AFAP1L2: variants seen among roughly 807,000 people sequenced by gnomAD.
AFAP1L2 encodes actin filament-associated protein 1-like 2.
Under a neutral mutation model 99.3 loss-of-function variants are expected in AFAP1L2, and 46 were observed. The ratio of observed to expected loss-of-function variants is 0.46; its 90% CI spans 0.37 to 0.59. The LOEUF is 0.59. Ranked by LOEUF, AFAP1L2 falls within the 20% of genes least tolerant of loss-of-function variation. The pLI, the probability that AFAP1L2 is intolerant of heterozygous loss-of-function variation, is 0.00. For synonymous variants in AFAP1L2, 397 were observed against 419.1 expected, an observed-to-expected ratio of 0.95 and a Z score of 0.64; for missense variants, 959 against 1,034.9, an observed-to-expected ratio of 0.93 and a Z score of 1.01.
the AFAP1L2 span, chr10:114,289,738 C>T: frequency 1.8e-6 from 1 of 555,836 alleles, no homozygotes. Flanking sequence ...AGAATTTATG[C>T]ATTCCCTTTA....
Position 114,300,267 on chromosome 10 carries a change from G to C in AFAP1L2, c.1884C>G (p.Cys628Trp). ...GTGGGGTGGCCACCACGGCATCCGG[G>C]CAGCTCGGTGGGAAGGAGATTCTCT... is the stretch of plus-strand genomic sequence containing the variant. ...EQQRISFPPSCPDAVVATPPG... is the reference protein window; with the variant it reads ...EQQRISFPPSWPDAVVATPPG... The change falls in exon 15 of 19, where the codon TGC becomes TGG. Residue 628 changes from cysteine to tryptophan, a missense_variant. Cys to Trp is a radical substitution (Grantham distance 215). Around this residue, in one of 2 missense-constraint regions of AFAP1L2, gnomAD observed 576 missense variants for 562.1 expected, o/e 1.02. Transcript: ENST00000304129. 2.5e-6 allele frequency: 4 copies of C among 1,614,152 alleles called. No individual in the cohort carries two copies. Among genetic ancestry groups the C allele is most frequent in the Non-Finnish European group, 3.4e-6 (4 of 1,180,032 alleles).
chr10:114,389,905 T>G (rs1197968010), intron 1 of AFAP1L2, among the ~76,000 whole-genome samples: 2 of 152,230 alleles, frequency 1.3e-5, no homozygotes, highest in Non-Finnish European at 2.9e-5. Context: ...GCACATGGCT[T>G]GAGCTTCTGG....
Position 114,313,873 on chromosome 10 carries a change from T to G in AFAP1L2, c.790A>C (p.Arg264=). 1 of 1,604,764 alleles carries G rather than the reference T, an allele frequency of 6.2e-7. No individual in the cohort carries two copies. Among genetic ancestry groups the G allele is most frequent in the South Asian group, 1.1e-5 (1 of 90,656 alleles). The change falls in exon 7 of 19, where the codon AGG becomes CGG. Residue 264 remains arginine (R), a splice_region_variant and synonymous_variant. Coordinates refer to ENST00000304129, the MANE Select transcript of AFAP1L2 (RefSeq NM_001001936.3). ...QSKDQAEQWL[R]VIQEVSGLPS... ...AAGTGGCTCGGTGTCGCCCTCACCCTGAGCCACTGCTCAGCCTGGTCCTTG... is the reference window on the plus strand; with the variant it reads ...AAGTGGCTCGGTGTCGCCCTCACCCGGAGCCACTGCTCAGCCTGGTCCTTG...
At chr10:114,364,887 C>T (rs751086371) in intron 1 of AFAP1L2, among the ~76,000 whole-genome samples, 18 of 152,146 alleles carry the variant, frequency 1.2e-4, no homozygotes, top group African/African-American at 2.9e-4. Flanking sequence ...TGCTCCTTCT[C>T]GGGTCATGAA....
chr10:114,291,542 T>C (rs2039598964), downstream of AFAP1L2: 1 of 361,782 alleles, frequency 2.8e-6, no homozygotes, highest in Non-Finnish European at 5.0e-6. Context: ...GGCTATGTCA[T>C]CTGCCACCTT....
Position 114,404,443 on chromosome 10 carries a change from T to C in AFAP1L2, c.13A>G (p.Lys5Glu). MERYKALEQLLTELD... is the reference protein window; with the variant it reads MERYEALEQLLTELD... ...CGCGAGGAACCCGCGCCCTCACCTT[T>C]GTACCGCTCCATCGGGGCCACGGAG... The change falls in exon 1 of 19, where the codon AAA becomes GAA. Residue 5 changes from lysine (K) to glutamate (E), a missense_variant. Around this residue, in one of 2 missense-constraint regions of AFAP1L2, gnomAD observed 383 missense variants for 472.8 expected, o/e 0.81. Coordinates refer to ENST00000304129, the MANE Select transcript of AFAP1L2 (RefSeq NM_001001936.3). 6.5e-7 allele frequency: 1 copy of C among 1,542,446 alleles called. No individual in the cohort carries two copies. Among genetic ancestry groups the C allele is most frequent in the Non-Finnish European group, 8.7e-7 (1 of 1,145,980 alleles).
intron 4 of AFAP1L2, among the ~76,000 whole-genome samples, chr10:114,330,207 C>T (rs940806003): frequency 5.9e-5 from 9 of 152,216 alleles, no homozygotes; most frequent in Admixed American, 2.0e-4. Context: ...CCCCTTCCCC[C>T]CAGGAAGGCA....
the AFAP1L2 span, chr10:114,289,409 C>T: frequency 1.2e-6 from 2 of 1,609,358 alleles, no homozygotes; most frequent in Non-Finnish European, 1.7e-6. Context: ...CTTGCAGGTC[C>T]CCGGGATTCC....
intron 5 of AFAP1L2, among the ~76,000 whole-genome samples, chr10:114,316,191 T>G (rs978489259): frequency 3.9e-5 from 6 of 152,216 alleles, no homozygotes; most frequent in African/African-American, 1.4e-4. Context: ...CTCCCAGGCC[T>G]GGCCTCTGGC....
At chr10:114,281,716 G>A in the AFAP1L2 span, 2 of 985,122 alleles carry the variant, frequency 2.0e-6, no homozygotes, top group Non-Finnish European at 2.4e-6. Context: ...CGGGGCTGGG[G>A]CACTGCGGGA....
chr10:114,355,239 T>TTC (rs2051153281), intron 1 of AFAP1L2, among the ~76,000 whole-genome samples: 1 of 148,822 alleles, frequency 6.7e-6, no homozygotes, highest in Non-Finnish European at 1.5e-5. Flanking sequence ...ACAGAAGCCT[T>TTC]TCTCTTCTCG....
chr10:114,309,445 C>T (rs1263044838), intron 8 of AFAP1L2, among the ~76,000 whole-genome samples: 3 of 152,188 alleles, frequency 2.0e-5, no homozygotes, highest in South Asian at 2.1e-4. Context: ...TTCCTCCCTG[C>T]TGGGGTGGGG....
chr10:114,283,326 C>T, the AFAP1L2 span, among the ~76,000 whole-genome samples: 30 of 142,364 alleles, frequency 2.1e-4, no homozygotes, highest in South Asian at 5.0e-3. Context: ...GGCAGGGTAG[C>T]GAGCAGTTAG....
intron 1 of AFAP1L2, among the ~76,000 whole-genome samples, chr10:114,381,871 A>G (rs1049606541): frequency 9.7e-5 from 4 of 41,178 alleles, no homozygotes; most frequent in African/African-American, 1.8e-4. Flanking sequence ...AAGAGAGTGT[A>G]CACACACACA....
At chr10:114,288,953 C>T in the AFAP1L2 span, 2 of 1,609,936 alleles carry the variant, frequency 1.2e-6, no homozygotes, top group Admixed American at 3.3e-5. Context: ...CGGACACAAG[C>T]CCTGGACCTC....
In AFAP1L2 at chr10:114,300,353, T is replaced by C. The variant is rs751657115; in HGVS notation, c.1798A>G (p.Ser600Gly). 1.9e-6 allele frequency: 3 copies of C among 1,614,032 alleles called. No individual in the cohort carries two copies. The South Asian group carries it at 3.3e-5, about 18-fold the overall frequency. The change falls in exon 15 of 19, where the codon AGT becomes GGT. Residue 600 changes from serine (S) to glycine (G), a missense_variant. Transcript: ENST00000304129. ...AGGGAAGGATCCTCTGGCTCCAAACTCTCCAGCTGCTTTGGGGGAAAGCAG... is the reference window on the plus strand; with the variant it reads ...AGGGAAGGATCCTCTGGCTCCAAACCCTCCAGCTGCTTTGGGGGAAAGCAG... ...PENLGEQQLE[S>G]LEPEDPSLRI...
chr10:114,315,435 A>G (rs1057299271), intron 6 of AFAP1L2, 125 bp downstream of exon 6: 2 of 935,660 alleles, frequency 2.1e-6, no homozygotes, highest in African/African-American at 3.3e-5. Context: ...GGAGAAGTTA[A>G]AATCTCCTGA....
downstream of AFAP1L2, chr10:114,290,276 C>A (rs112771171): frequency 1.9e-6 from 3 of 1,550,428 alleles, no homozygotes; most frequent in African/African-American, 4.1e-5. Flanking sequence ...AAACCCAGCC[C>A]GTGCATGAAT....
Position 114,334,892 on chromosome 10 carries a change from C to T in AFAP1L2, c.146-1597G>A, listed in dbSNP as rs139670403. ...GCAAAGCACCTAACCCTTGTGCCTC[C>T]GTTTTCTTGTCTGCATGACAAAATA... On this transcript the variant is annotated intron_variant, in intron 2 of 18. Coordinates refer to ENST00000304129, the MANE Select transcript of AFAP1L2 (RefSeq NM_001001936.3). Among the ~76,000 whole-genome samples, 7 of 152,342 alleles carry T rather than the reference C, an allele frequency of 4.6e-5. No individual in the cohort carries two copies. The South Asian group carries it at 8.3e-4, about 18-fold the overall frequency.
Sources: gnomAD v4.1 joint callset for allele counts (sites outside exome capture counted in the v4.1 genomes callset) on GRCh38, gnomAD v4.1.1 for gene constraint, gnomAD v4.1.1 regional missense constraint, MANE v1.5 for transcripts, NCBI Gene and HGNC (gene_info 2026-07-23, HGNC 2026-07-21) for gene names.